The following MTFR1 variants were observed in gnomAD, a reference collection of about 807,000 sequenced individuals.
The protein encoded by MTFR1 is mitochondrial fission regulator 1.
A neutral mutation model predicts 38.8 loss-of-function variants in MTFR1; 28 were observed. That is an observed-to-expected ratio of 0.72 (90% confidence interval 0.53 to 0.99). The LOEUF (loss-of-function observed/expected upper bound fraction) is 0.99, where lower values mean the gene tolerates loss of function less well. Ranked by LOEUF, MTFR1 falls within the 50% of genes least tolerant of loss-of-function variation. The probability of loss-of-function intolerance (pLI) is 0.00; values close to 1 mark genes in which losing one functional copy is unlikely to be tolerated. For missense variants in MTFR1, 358 were observed against 395.5 expected (o/e 0.91, Z 0.81); for synonymous variants, 145 against 137.0 (o/e 1.06, Z -0.41).
At chr8:65,711,663 C>T (rs979203434), downstream of MTFR1, among the ~76,000 whole-genome samples, 1 of 152,198 alleles carries the variant, frequency 6.6e-6, no homozygotes, top group African/African-American at 2.4e-5. Flanking sequence ...TATAAACAAT[C>T]TAGCTCTTCC....
intron 1 of MTFR1, among the ~76,000 whole-genome samples, chr8:65,665,650 C>T (rs1299894061): frequency 6.6e-6 from 1 of 152,186 alleles, no homozygotes; most frequent in Admixed American, 6.5e-5. Flanking sequence ...CGCTAGCCAG[C>T]CACTTTATGT....
rs1003491393 is a variant in MTFR1 at position 65,710,092 on chromosome 8, A to G, written c.*1048A>G. ...CTTGCTATAAATGATTATTTTTTAA[A>G]TGCTTTATAAATCTTCATGGTTTTT... On this transcript the variant is annotated 3_prime_UTR_variant, in exon 8 of 8. Transcript: ENST00000262146. The G allele has an allele frequency of 1.3e-5, 2 of 152,190 alleles. No homozygotes were observed. The highest frequency in any genetic ancestry group is 4.8e-5 in the African/African-American group (2 of 41,462). 9.4% of individuals were successfully genotyped at this position (152,190 alleles called of 1,614,324 possible).
intron 5 of MTFR1, among the ~76,000 whole-genome samples, chr8:65,706,447 C>G (rs1474923119): frequency 2.0e-5 from 3 of 152,124 alleles, no homozygotes; most frequent in African/African-American, 7.2e-5. Flanking sequence ...GTTTTAGAGA[C>G]AGGGTTTCAC....
chr8:65,754,697 TG>T (rs1173250823), intron 3 of MTFR1, among the ~76,000 whole-genome samples: 14 of 147,222 alleles, frequency 9.5e-5, no homozygotes, highest in Non-Finnish European at 1.9e-4. Context: ...CTGGGCACAG[TG>T]GCTCACGCCT....
intron 3 of MTFR1, among the ~76,000 whole-genome samples, chr8:65,740,633 C>T (rs1807378903): frequency 6.6e-6 from 1 of 152,142 alleles, no homozygotes; most frequent in Admixed American, 6.5e-5. Flanking sequence ...AACTCCTGAC[C>T]TTGTGATCCG....
At chr8:65,769,468 C>A (rs977191613) in intron 3 of MTFR1, among the ~76,000 whole-genome samples, 1 of 152,088 alleles carries the variant, frequency 6.6e-6, no homozygotes, top group Non-Finnish European at 1.5e-5. Flanking sequence ...TAGAAGAATT[C>A]GTAATCATCA....
chr8:65,683,608 G>A (rs67679220), intron 3 of MTFR1, among the ~76,000 whole-genome samples: 1 of 152,108 alleles, frequency 6.6e-6, no homozygotes, highest in African/African-American at 2.4e-5. Context: ...TGTGGAAGAT[G>A]TATTTAACTC....
At chr8:65,652,395 C>A (rs896321129) in intron 1 of MTFR1, among the ~76,000 whole-genome samples, 1 of 152,020 alleles carries the variant, frequency 6.6e-6, no homozygotes, top group Admixed American at 6.6e-5. Flanking sequence ...TCATATCTAG[C>A]CCTTAATTTT....
intron 3 of MTFR1, among the ~76,000 whole-genome samples, chr8:65,731,904 A>C (rs977135308): frequency 2.0e-5 from 3 of 152,166 alleles, no homozygotes; most frequent in African/African-American, 7.2e-5. Context: ...TGTCCACTTA[A>C]GTGACTTGTG....
At chr8:65,708,834 TA>T (rs1420353431) in intron 7 of MTFR1, 141 bp from the exon 8 acceptor site, 5 of 720,572 alleles carry the variant, frequency 6.9e-6, no homozygotes, top group Non-Finnish European at 1.2e-5. Context: ...CATCAATTTG[TA>T]AAGGTTTTAA....
At chr8:65,717,415 C>T (rs1806186018) in intron 2 of MTFR1, 1 of 152,158 alleles carries the variant, frequency 6.6e-6, no homozygotes, top group African/African-American at 2.4e-5. Context: ...ACTTGCAAGA[C>T]TTGCTGATGT....
chr8:65,707,136 G>A lies in MTFR1; in HGVS notation c.644G>A (p.Arg215Lys). Residue 215 changes from arginine (R) to lysine (K), a missense_variant, in exon 6 of 8, where the codon AGA (arginine) becomes AAA (lysine). Transcript: ENST00000262146. ...GCTGTTGATCTGATTAAAGAACGAAGAGAGAAAAGAGCCAATGCTGGAAAG... is the reference window on the plus strand; with the variant it reads ...GCTGTTGATCTGATTAAAGAACGAAAAGAGAAAAGAGCCAATGCTGGAAAG... ...TSAVDLIKER[R>K]EKRANAGKTL... 1 of 1,608,250 alleles carries A rather than the reference G, an allele frequency of 6.2e-7. No individual in the cohort carries two copies. Among genetic ancestry groups the A allele is most frequent in the South Asian group, 1.1e-5 (1 of 90,998 alleles).
intron 1 of MTFR1, among the ~76,000 whole-genome samples, chr8:65,659,337 A>G (rs1809348340): frequency 6.6e-6 from 1 of 152,126 alleles, no homozygotes; most frequent in Admixed American, 6.6e-5. Context: ...AAGTTTTCTC[A>G]GCAAGGCAAT....
At chr8:65,716,137 AGACCCTGTCT>A (rs1225120436) in intron 2 of MTFR1, among the ~76,000 whole-genome samples, 4 of 147,938 alleles carry the variant, frequency 2.7e-5, no homozygotes, top group African/African-American at 7.5e-5. Flanking sequence ...GTTAGCAGCG[AGACCCTGTCT>A]CAAAAAAAAA....
At chr8:65,685,165 T>C (rs1805034918) in intron 3 of MTFR1, among the ~76,000 whole-genome samples, 1 of 152,228 alleles carries the variant, frequency 6.6e-6, no homozygotes, top group African/African-American at 2.4e-5. Flanking sequence ...AATGCATTTT[T>C]TTCCCCTATT....
intron 3 of MTFR1, chr8:65,722,779 G>A (rs1806439139): frequency 6.6e-6 from 1 of 152,218 alleles, no homozygotes; most frequent in African/African-American, 2.4e-5. Flanking sequence ...GTGGTGCTAG[G>A]CTCCAGGAAT....
chr8:65,669,814 A>G (rs1219605905), intron 1 of MTFR1, 59 bp from the exon 2 acceptor site: 2 of 740,236 alleles, frequency 2.7e-6, no homozygotes, highest in Non-Finnish European at 4.6e-6. Flanking sequence ...AGACATGTAG[A>G]CAGTACAAAT....
chr8:65,677,584 G>C (rs1193777389), intron 2 of MTFR1, among the ~76,000 whole-genome samples: 5 of 150,002 alleles, frequency 3.3e-5, no homozygotes, highest in Non-Finnish European at 1.5e-5. Flanking sequence ...GTTTCACCGT[G>C]TTACCCAGGC....
At chr8:65,661,378 C>T (rs67827113) in intron 1 of MTFR1, among the ~76,000 whole-genome samples, 29,236 of 152,164 alleles carry the variant, frequency 0.19, 2,971 homozygotes, top group Middle Eastern at 0.23. Context: ...CTGTTTTAGC[C>T]TGTAACCCCA....
Sources: allele counts gnomAD v4.1 joint callset (sites outside exome capture counted in the v4.1 genomes callset), GRCh38; gene constraint gnomAD v4.1.1; transcripts MANE v1.5; gene names NCBI Gene and HGNC (gene_info 2026-07-23, HGNC 2026-07-21).